PBX4: variants seen among roughly 807,000 people sequenced by gnomAD.
PBX4 encodes pre-B-cell leukemia transcription factor 4.
A neutral mutation model predicts 35.1 loss-of-function variants in PBX4; 26 were observed. The observed-to-expected ratio is 0.74, with a 90% CI of 0.54 to 1.03. PBX4 has a LOEUF of 1.03. Among genes scored for constraint, PBX4 ranks in the 50% least tolerant of loss-of-function variants. The probability of loss-of-function intolerance (pLI) is 0.00; values close to 1 mark genes in which losing one functional copy is unlikely to be tolerated. For missense variants in PBX4, 448 were observed against 504.3 expected, an observed-to-expected ratio of 0.89 and a Z score of 1.07; for synonymous variants, 199 against 204.2, an observed-to-expected ratio of 0.97 and a Z score of 0.22.
intron 3 of PBX4, 126 bp from the exon 4 acceptor site, chr19:19,570,425 G>A: frequency 7.0e-7 from 1 of 1,434,908 alleles, no homozygotes. Context: ...TGACTGTTAA[G>A]TAAATGGAAA....
At position 19,563,430 on chromosome 19, in the gene PBX4, C is replaced by A. The variant is rs960646349; in HGVS notation, c.1032+79G>T. On this transcript the variant is annotated intron_variant, in intron 7 of 7. Coordinates refer to ENST00000251203, the MANE Select transcript of PBX4 (RefSeq NM_025245.3). This position sits in a 1 kb window ranked among gnomAD's most constrained non-coding sequence, Gnocchi z 5.1. Reference sequence around the variant, plus strand: ...ACCTCTGGGGAAGCTGCCCCAAGGCCGAGGGGTGGCTGACAAGACGACCCT... The same window carrying A: ...ACCTCTGGGGAAGCTGCCCCAAGGCAGAGGGGTGGCTGACAAGACGACCCT... 8.3e-7 allele frequency: 1 copy of A among 1,203,228 alleles called. No homozygotes were observed. The highest frequency in any genetic ancestry group is 1.2e-6 in the Non-Finnish European group (1 of 865,384). 74.5% of individuals were successfully genotyped at this position (1,203,228 alleles called of 1,614,324 possible).
At position 19,615,102 on chromosome 19, in the gene PBX4, T is replaced by G. The variant is rs1372125436; in HGVS notation, c.119+3409A>C. 2.2e-5 allele frequency among the ~76,000 whole-genome samples: 3 copies of G among 137,952 alleles called. No individual in the cohort carries two copies. In the East Asian group the frequency reaches 6.4e-4, roughly 30 times the overall value. The allele number at this position is 137,952 out of a possible 152,430, so 90.5% of individuals were successfully genotyped here. A position where few individuals can be genotyped will look rare whatever the true frequency, so the allele number is the denominator to read the frequency against. On this transcript the variant is annotated intron_variant, in intron 1 of 7. Transcript: ENST00000251203. ...ATTGCTTGAGCCTGGGAGGCAGAGG[T>G]TGCAGTGAGCTGAGACTGCACCACT...
chr19:19,563,392 T>C lies in PBX4; in HGVS notation c.1032+117A>G. 1 of 767,316 alleles carries C rather than the reference T, an allele frequency of 1.3e-6. No individual in the cohort carries two copies. The highest frequency in any genetic ancestry group is 1.9e-5 in the South Asian group (1 of 52,192). 47.5% of individuals were successfully genotyped at this position (767,316 alleles called of 1,614,324 possible). ...AGAGGTGGCCGCGCAGCATGGCCTG[T>C]GTGGCTGCTGGGACCTCTGGGGAAG... On this transcript the variant is annotated intron_variant, in intron 7 of 7. Coordinates refer to ENST00000251203, the MANE Select transcript of PBX4 (RefSeq NM_025245.3). The surrounding 1 kb of genome is among the most constrained non-coding windows in gnomAD (Gnocchi z 5.1).
intron 2 of PBX4, among the ~76,000 whole-genome samples, chr19:19,586,326 T>G (rs946696206): frequency 7.2e-5 from 11 of 151,984 alleles, no homozygotes; most frequent in African/African-American, 2.4e-4. Flanking sequence ...GGTGGGAGGA[T>G]CACCTGAACC....
chr19:19,600,866 G>T (rs539344995), intron 1 of PBX4, among the ~76,000 whole-genome samples: 1 of 151,252 alleles, frequency 6.6e-6, no homozygotes, highest in South Asian at 2.1e-4. Flanking sequence ...GAAATATCAA[G>T]GTCCAACAAC....
chr19:19,604,642 C>G (rs2061618763), intron 1 of PBX4, among the ~76,000 whole-genome samples: 3 of 151,506 alleles, frequency 2.0e-5, no homozygotes, highest in Admixed American at 2.0e-4. Context: ...GCTCTGTCAC[C>G]CAGGCTGGAG....
At chr19:19,611,170 T>C (rs890336014) in intron 1 of PBX4, among the ~76,000 whole-genome samples, 7 of 152,184 alleles carry the variant, frequency 4.6e-5, no homozygotes, top group South Asian at 4.1e-4. Context: ...ATATTCACTA[T>C]TGCAAAAGTA....
intron 2 of PBX4, among the ~76,000 whole-genome samples, chr19:19,584,169 C>T (rs1276698190): frequency 2.0e-5 from 3 of 151,956 alleles, no homozygotes; most frequent in South Asian, 2.1e-4. Context: ...ACCCAGGAGG[C>T]GGAGGTAGCA....
At position 19,562,691 on chromosome 19, in the gene PBX4, T is replaced by C. The variant is rs2061315126; in HGVS notation, c.1033-574A>G. ...TACAGGTTAAGGAAGTGGCTGGGAC[T>C]GCTCTGCCCGTGAGTGTGGGAGCAG... is the stretch of plus-strand genomic sequence containing the variant. On this transcript the variant is annotated intron_variant, in intron 7 of 7. Transcript: ENST00000251203. The surrounding 1 kb of genome is among the most constrained non-coding windows in gnomAD (Gnocchi z 4.8). Among the ~76,000 whole-genome samples the C allele has an allele frequency of 6.6e-6, 1 of 152,176 alleles. No individual in the cohort carries two copies. Among genetic ancestry groups the C allele is most frequent in the Non-Finnish European group, 1.5e-5 (1 of 68,022 alleles).
At position 19,562,478 on chromosome 19, in the gene PBX4, T is replaced by C. The variant is rs180727548; in HGVS notation, c.1033-361A>G. 2.4e-4 allele frequency among the ~76,000 whole-genome samples: 37 copies of C among 151,988 alleles called. No individual in the cohort carries two copies. The highest frequency in any genetic ancestry group is 8.7e-4 in the African/African-American group (36 of 41,496). On this transcript the variant is annotated intron_variant, in intron 7 of 7. Transcript: ENST00000251203. This position sits in a 1 kb window ranked among gnomAD's most constrained non-coding sequence, Gnocchi z 4.8. ...CATGATGACGCCCGGAGCGTCATGG[T>C]GAGACTCGGTGGGAAAAAGGGGCTC...
intron 2 of PBX4, among the ~76,000 whole-genome samples, chr19:19,588,909 G>T (rs540554176): frequency 6.6e-6 from 1 of 152,258 alleles, no homozygotes; most frequent in East Asian, 1.9e-4. Context: ...GCTGAGAAGG[G>T]AGGATTGCTT....
At chr19:19,574,482 T>C (rs1047010333) in intron 2 of PBX4, among the ~76,000 whole-genome samples, 1 of 152,114 alleles carries the variant, frequency 6.6e-6, no homozygotes, top group African/African-American at 2.4e-5. Flanking sequence ...GAACTGAAGG[T>C]TCCCACCACC....
At chr19:19,588,874 C>T (rs2061508013) in intron 2 of PBX4, among the ~76,000 whole-genome samples, 1 of 152,180 alleles carries the variant, frequency 6.6e-6, no homozygotes, top group African/African-American at 2.4e-5. Flanking sequence ...GTTGGCTCAT[C>T]CCTGTAATCC....
intron 1 of PBX4, among the ~76,000 whole-genome samples, chr19:19,615,007 A>C (rs1670913614): frequency 6.8e-6 from 1 of 146,962 alleles, no homozygotes; most frequent in Non-Finnish European, 1.5e-5. Context: ...TAAAAATACA[A>C]AAAAAAATTA....
At chr19:19,616,025 C>A (rs1337733913) in intron 1 of PBX4, among the ~76,000 whole-genome samples, 3 of 152,186 alleles carry the variant, frequency 2.0e-5, no homozygotes, top group African/African-American at 7.2e-5. Context: ...GGTACACAGT[C>A]CACACCACCA....
chr19:19,594,911 G>A (rs778327207), intron 2 of PBX4, among the ~76,000 whole-genome samples: 4 of 152,042 alleles, frequency 2.6e-5, no homozygotes, highest in Admixed American at 6.6e-5. Context: ...TAGTAGAGAC[G>A]GGGTTTCATC....
intron 2 of PBX4, among the ~76,000 whole-genome samples, chr19:19,596,460 A>ATGTGTGCGCACGTGTGTG (rs1258914783): frequency 3.3e-5 from 5 of 152,176 alleles, no homozygotes; most frequent in Admixed American, 2.0e-4. Flanking sequence ...ACAGATGTGA[A>ATGTGTGCGCACGTGTGTG]TGTGTGCGCA....
intron 1 of PBX4, among the ~76,000 whole-genome samples, chr19:19,611,947 G>A (rs1028407541): frequency 6.6e-6 from 1 of 151,814 alleles, no homozygotes; most frequent in African/African-American, 2.4e-5. Flanking sequence ...AACCAGCCTG[G>A]GCAACATAGT....
At chr19:19,565,648 T>G (rs892411427) in intron 5 of PBX4, among the ~76,000 whole-genome samples, 5 of 152,314 alleles carry the variant, frequency 3.3e-5, no homozygotes, top group Admixed American at 3.3e-4. Flanking sequence ...CCGGGCGTGG[T>G]GGCTCACGCC....
Sources: allele counts gnomAD v4.1 joint callset (sites outside exome capture counted in the v4.1 genomes callset), GRCh38; gene constraint gnomAD v4.1.1; non-coding constraint Gnocchi (gnomAD v3.1); transcripts MANE v1.5; gene names NCBI Gene and HGNC (gene_info 2026-07-23, HGNC 2026-07-21).